The following RIT2 variants were observed in gnomAD, a reference collection of about 807,000 sequenced individuals.
RIT2 encodes Ras like without CAAX 2.
RIT2 carries 24 observed loss-of-function variants against 23.7 expected under a neutral mutation model. The ratio of observed to expected loss-of-function variants is 1.01; its 90% CI spans 0.73 to 1.43. RIT2 has a LOEUF of 1.43. RIT2 is among the 40% of genes most tolerant of loss of function. RIT2 has a pLI of 0.00. For synonymous variants in RIT2, 107 were observed against 91.1 expected (o/e 1.17, Z -0.99); for missense variants, 236 against 266.9 (o/e 0.88, Z 0.81).
At position 42,988,560 on chromosome 18, in the gene RIT2, T is replaced by C. The variant is rs140223465; in HGVS notation, c.161-14413A>G. 1.2e-3 allele frequency among the ~76,000 whole-genome samples: 183 copies of C among 152,320 alleles called. 8 individuals are homozygous for C. The East Asian group carries it at 0.032, about 27-fold the overall frequency. ...CATTGGCCTGGCATGATGCCCCAAG[T>C]TCCACCTCTCTGCTTCATTCTCTCT... On this transcript the variant is annotated intron_variant, in intron 2 of 4. Transcript: ENST00000326695.
At chr18:42,979,386 A>G (rs1018539119) in intron 2 of RIT2, among the ~76,000 whole-genome samples, 1 of 152,130 alleles carries the variant, frequency 6.6e-6, no homozygotes, top group African/African-American at 2.4e-5. Context: ...TACTTCTTAC[A>G]TGGTTTACCT....
intron 4 of RIT2, among the ~76,000 whole-genome samples, chr18:42,882,150 C>A (rs540738843): frequency 6.6e-6 from 1 of 152,280 alleles, no homozygotes; most frequent in East Asian, 1.9e-4. Flanking sequence ...TAGCTGGGTA[C>A]TAAGATACAG....
At chr18:42,885,550 C>A (rs571461197) in intron 4 of RIT2, among the ~76,000 whole-genome samples, 1 of 152,022 alleles carries the variant, frequency 6.6e-6, no homozygotes, top group Non-Finnish European at 1.5e-5. Flanking sequence ...CGTGCCTCTG[C>A]GCTCCAGCCT....
chr18:42,816,150 A>G (rs1905992162), intron 4 of RIT2, among the ~76,000 whole-genome samples: 1 of 152,182 alleles, frequency 6.6e-6, no homozygotes, highest in African/African-American at 2.4e-5. Flanking sequence ...CAAAAAAAAA[A>G]AAAGTCTGAT....
intron 4 of RIT2, among the ~76,000 whole-genome samples, chr18:42,816,727 G>T (rs980307806): frequency 6.6e-6 from 1 of 152,084 alleles, no homozygotes; most frequent in African/African-American, 2.4e-5. Flanking sequence ...CTGATAATTA[G>T]TTTTCAAAAG....
intron 2 of RIT2, among the ~76,000 whole-genome samples, chr18:43,031,252 T>C (rs1449454048): frequency 6.6e-6 from 1 of 151,640 alleles, no homozygotes; most frequent in African/African-American, 2.4e-5. Context: ...TGACACAAAA[T>C]TATGGCAGGC....
intron 4 of RIT2, among the ~76,000 whole-genome samples, chr18:42,799,196 T>A (rs1227685914): frequency 6.6e-6 from 1 of 152,104 alleles, no homozygotes; most frequent in African/African-American, 2.4e-5. Flanking sequence ...AAGCCCCCAG[T>A]GGAGTTGGAA....
chr18:42,893,379 G>A (rs530541878), intron 4 of RIT2, among the ~76,000 whole-genome samples: 12 of 152,186 alleles, frequency 7.9e-5, no homozygotes, highest in East Asian at 3.9e-4. Context: ...ATTCAGTGTT[G>A]GATGTGGGTT....
intron 4 of RIT2, among the ~76,000 whole-genome samples, chr18:42,918,269 A>C (rs1908964284): frequency 6.6e-6 from 1 of 152,170 alleles, no homozygotes; most frequent in South Asian, 2.1e-4. Context: ...GGTAACTCAA[A>C]TTCCAGTTCT....
intron 4 of RIT2, among the ~76,000 whole-genome samples, chr18:42,789,778 T>A (rs1914001389): frequency 6.6e-6 from 1 of 152,186 alleles, no homozygotes; most frequent in Non-Finnish European, 1.5e-5. Context: ...CAGAGATAAT[T>A]TGACTTCCTC....
intron 4 of RIT2, among the ~76,000 whole-genome samples, chr18:42,911,714 A>T (rs1908774394): frequency 6.6e-6 from 1 of 152,032 alleles, no homozygotes; most frequent in Admixed American, 6.6e-5. Flanking sequence ...CTTCTTGAAG[A>T]CCACAAACTC....
intron 4 of RIT2, among the ~76,000 whole-genome samples, chr18:42,921,670 C>T (rs1056129366): frequency 6.6e-6 from 1 of 152,172 alleles, no homozygotes; most frequent in Non-Finnish European, 1.5e-5. Flanking sequence ...AAAAATGTTT[C>T]CTGAATGTTT....
At chr18:42,900,957 C>T (rs796586423) in intron 4 of RIT2, among the ~76,000 whole-genome samples, 11 of 151,826 alleles carry the variant, frequency 7.2e-5, no homozygotes, top group Admixed American at 2.6e-4. Flanking sequence ...TTTTATATCA[C>T]GGTTAAAATT....
At chr18:43,098,299 A>G (rs1254400896) in intron 1 of RIT2, among the ~76,000 whole-genome samples, 1 of 151,868 alleles carries the variant, frequency 6.6e-6, no homozygotes, top group Non-Finnish European at 1.5e-5. Context: ...TGGCAGAAAC[A>G]TGTGTCTTCC....
intron 4 of RIT2, among the ~76,000 whole-genome samples, chr18:42,894,300 T>C (rs1315674014): frequency 6.6e-6 from 1 of 152,200 alleles, no homozygotes; most frequent in Non-Finnish European, 1.5e-5. Flanking sequence ...GACCAAATTC[T>C]AGCAGAAATC....
At chr18:43,087,213 G>C (rs1913305196) in intron 1 of RIT2, among the ~76,000 whole-genome samples, 1 of 151,968 alleles carries the variant, frequency 6.6e-6, no homozygotes, top group African/African-American at 2.4e-5. Context: ...CTGCAGTCTA[G>C]CCTGGGCAAC....
intron 3 of RIT2, among the ~76,000 whole-genome samples, chr18:42,947,350 G>A (rs1197703703): frequency 6.6e-6 from 1 of 152,082 alleles, no homozygotes; most frequent in Admixed American, 6.6e-5. Context: ...CTGGAGTCCA[G>A]GTTAAATTGT....
intron 4 of RIT2, among the ~76,000 whole-genome samples, chr18:42,866,092 T>C (rs565556975): frequency 2.0e-5 from 3 of 152,308 alleles, no homozygotes; most frequent in African/African-American, 4.8e-5. Context: ...AGTCCATAGA[T>C]AAAGCAATTG....
intron 4 of RIT2, among the ~76,000 whole-genome samples, chr18:42,745,362 T>G (rs1254517400): frequency 1.3e-5 from 2 of 152,310 alleles, no homozygotes; most frequent in East Asian, 3.9e-4. Flanking sequence ...CTTTTTAAAC[T>G]GTTACAACAC....
Sources: gnomAD v4.1 joint callset for allele counts (sites outside exome capture counted in the v4.1 genomes callset) on GRCh38, gnomAD v4.1.1 for gene constraint, MANE v1.5 for transcripts, NCBI Gene and HGNC (gene_info 2026-07-23, HGNC 2026-07-21) for gene names.